The following PPP1R16B variants were observed in gnomAD, a reference collection of about 807,000 sequenced individuals.
The protein encoded by PPP1R16B is protein phosphatase 1 regulatory subunit 16B, also known as protein phosphatase 1 regulatory inhibitor subunit 16B.
In PPP1R16B, 14 loss-of-function variants were observed where a neutral mutation model predicts 61.7. That is an observed-to-expected ratio of 0.23 (90% confidence interval 0.15 to 0.35). The LOEUF (loss-of-function observed/expected upper bound fraction) is 0.35. Among genes scored for constraint, PPP1R16B ranks in the 10% least tolerant of loss-of-function variants. The probability of loss-of-function intolerance (pLI) is 1.00; values close to 1 mark genes in which losing one functional copy is unlikely to be tolerated. For synonymous variants in PPP1R16B, 266 were observed against 305.3 expected (o/e 0.87, Z 1.34); for missense variants, 547 against 752.5 (o/e 0.73, Z 3.19).
chr20:38,896,236 G>C (rs2085348311), intron 4 of PPP1R16B, among the ~76,000 whole-genome samples: 3 of 77,090 alleles, frequency 3.9e-5, no homozygotes, highest in South Asian at 4.6e-4. Context: ...TTCCCTACCT[G>C]CCTCCCTCCC....
chr20:38,850,970 A>C (rs2084964831), intron 2 of PPP1R16B, among the ~76,000 whole-genome samples: 1 of 150,604 alleles, frequency 6.6e-6, no homozygotes, highest in Non-Finnish European at 1.5e-5. Context: ...TCCATCTCAA[A>C]AAAAAAAAAA....
intron 6 of PPP1R16B, among the ~76,000 whole-genome samples, chr20:38,905,088 T>C (rs892377565): frequency 1.3e-5 from 2 of 152,192 alleles, no homozygotes; most frequent in Non-Finnish European, 2.9e-5. Flanking sequence ...CAGTCCCTCA[T>C]TGGATGTATT....
chr20:38,864,612 C>T (rs2085077576), intron 2 of PPP1R16B, among the ~76,000 whole-genome samples: 1 of 152,276 alleles, frequency 6.6e-6, no homozygotes, highest in South Asian at 2.1e-4. Flanking sequence ...TAGAACTGAA[C>T]CGCCACCGTA....
At chr20:38,902,866 C>G in intron 6 of PPP1R16B, 74 bp downstream of exon 6, 1 of 1,597,382 alleles carries the variant, frequency 6.3e-7, no homozygotes, top group South Asian at 1.1e-5. Context: ...GGGGACCAAC[C>G]CTGTACCCTT....
At chr20:38,863,018 T>C (rs2085064323) in intron 2 of PPP1R16B, among the ~76,000 whole-genome samples, 2 of 152,128 alleles carry the variant, frequency 1.3e-5, no homozygotes, top group African/African-American at 4.8e-5. Flanking sequence ...CCCTACTTAG[T>C]TCCCTGGTGC....
At chr20:38,902,566 T>A in intron 5 of PPP1R16B, 102 bp from the exon 6 acceptor site, 2 of 1,500,554 alleles carry the variant, frequency 1.3e-6, no homozygotes, top group Non-Finnish European at 1.8e-6. Flanking sequence ...TTGACTGGCA[T>A]ATCCTAGGGA....
intron 1 of PPP1R16B, among the ~76,000 whole-genome samples, chr20:38,834,413 A>G (rs2084856052): frequency 6.6e-6 from 1 of 152,070 alleles, no homozygotes; most frequent in Non-Finnish European, 1.5e-5. Flanking sequence ...TTGTCCTAAG[A>G]CCCTTTCCCT....
At chr20:38,854,159 T>C (rs1250238080) in intron 2 of PPP1R16B, among the ~76,000 whole-genome samples, 1 of 152,220 alleles carries the variant, frequency 6.6e-6, no homozygotes, top group African/African-American at 2.4e-5. Context: ...TTGATGTCCC[T>C]GGAATGTCTG....
rs62201361 is a variant in PPP1R16B at position 38,867,289 on chromosome 20, G to T, written c.251-22306G>T. Among the ~76,000 whole-genome samples, 914 of 152,290 alleles carry T rather than the reference G, an allele frequency of 6.0e-3. 4 individuals carry two copies. Among genetic ancestry groups the T allele is most frequent in the African/African-American group, 0.021 (864 of 41,558 alleles). On this transcript the variant is annotated intron_variant, in intron 2 of 10. Transcript: ENST00000299824. Reference sequence around the variant, plus strand: ...ACATCAGCCTGGTGCTGATGGGGACGAGGTGGGGAGTGATTCTGGGGGATG... The same window carrying T: ...ACATCAGCCTGGTGCTGATGGGGACTAGGTGGGGAGTGATTCTGGGGGATG...
intron 6 of PPP1R16B, among the ~76,000 whole-genome samples, chr20:38,903,588 T>G (rs761226748): frequency 1.1e-5 from 1 of 91,370 alleles, no homozygotes; most frequent in African/African-American, 4.4e-5. Context: ...CGTCCATCCA[T>G]CCATCCATCC....
intron 2 of PPP1R16B, among the ~76,000 whole-genome samples, chr20:38,855,907 CATATATATATATATATAT>C (rs371138532): frequency 9.6e-4 from 17 of 17,774 alleles, no homozygotes; most frequent in East Asian, 2.4e-3. Flanking sequence ...CAGTTTCCTA[CATATATATATATATATAT>C]ATATATATAT....
At chr20:38,852,501 G>T (rs1281810197) in intron 2 of PPP1R16B, among the ~76,000 whole-genome samples, 1 of 152,164 alleles carries the variant, frequency 6.6e-6, no homozygotes, top group Non-Finnish European at 1.5e-5. Context: ...CCATCCTAGG[G>T]ATCTTGGGGA....
intron 2 of PPP1R16B, among the ~76,000 whole-genome samples, chr20:38,862,745 G>T (rs2085061233): frequency 6.6e-6 from 1 of 152,192 alleles, no homozygotes; most frequent in Non-Finnish European, 1.5e-5. Context: ...ACTGTGGCCT[G>T]CCCTAGGGTG....
At chr20:38,881,991 G>A (rs796662878) in intron 2 of PPP1R16B, among the ~76,000 whole-genome samples, 13 of 152,344 alleles carry the variant, frequency 8.5e-5, no homozygotes, top group African/African-American at 3.1e-4. Context: ...ATCATTTCAT[G>A]TATGCAAATC....
intron 2 of PPP1R16B, among the ~76,000 whole-genome samples, chr20:38,843,754 A>G (rs969982305): frequency 1.3e-5 from 2 of 151,870 alleles, no homozygotes; most frequent in Non-Finnish European, 2.9e-5. Flanking sequence ...ATGAAAAATT[A>G]TATTTTTCAA....
intron 2 of PPP1R16B, among the ~76,000 whole-genome samples, chr20:38,858,085 G>A (rs1002795200): frequency 2.0e-5 from 3 of 152,114 alleles, no homozygotes; most frequent in African/African-American, 4.8e-5. Flanking sequence ...TTGGGGGAAA[G>A]GAGACTCTCT....
At chr20:38,884,880 G>T (rs958323261) in intron 2 of PPP1R16B, among the ~76,000 whole-genome samples, 7 of 151,796 alleles carry the variant, frequency 4.6e-5, no homozygotes, top group African/African-American at 1.7e-4. Flanking sequence ...GACCATCCTG[G>T]CTAACATGGT....
At chr20:38,896,613 C>T (rs1256336266) in intron 4 of PPP1R16B, among the ~76,000 whole-genome samples, 1 of 152,026 alleles carries the variant, frequency 6.6e-6, no homozygotes, top group Non-Finnish European at 1.5e-5. Context: ...TGATAAAACA[C>T]ATATAACATA....
chr20:38,852,063 T>A (rs770709365), intron 2 of PPP1R16B, among the ~76,000 whole-genome samples: 8 of 152,008 alleles, frequency 5.3e-5, no homozygotes, highest in Non-Finnish European at 1.0e-4. Context: ...GAAGGCCTTG[T>A]CAAGAACAGA....
Sources: gnomAD v4.1 joint callset for allele counts (sites outside exome capture counted in the v4.1 genomes callset) on GRCh38, gnomAD v4.1.1 for gene constraint, MANE v1.5 for transcripts, NCBI Gene and HGNC (gene_info 2026-07-23, HGNC 2026-07-21) for gene names.